BTG4: variants seen among roughly 807,000 people sequenced by gnomAD.
BTG4 encodes protein BTG4.
BTG4 carries 10 observed loss-of-function variants against 19.3 expected under a neutral mutation model. The ratio of observed to expected loss-of-function variants is 0.52; its 90% CI spans 0.32 to 0.88. The LOEUF (loss-of-function observed/expected upper bound fraction) is 0.88. Among genes scored for constraint, BTG4 ranks in the 40% least tolerant of loss-of-function variants. The pLI is 0.04. For synonymous variants in BTG4, 91 were observed against 95.7 expected (o/e 0.95, Z 0.29); for missense variants, 238 against 281.9 (o/e 0.84, Z 1.11).
chr11:111,490,355 T>C (rs994949527), downstream of BTG4, among the ~76,000 whole-genome samples: 1 of 151,846 alleles, frequency 6.6e-6, no homozygotes, highest in Non-Finnish European at 1.5e-5. Flanking sequence ...CTTGAGGTGA[T>C]GAATACCCCA....
At chr11:111,428,079 C>T in the BTG4 span, among the ~76,000 whole-genome samples, 1 of 152,160 alleles carries the variant, frequency 6.6e-6, no homozygotes, top group Non-Finnish European at 1.5e-5. Context: ...GCCGTATTTT[C>T]CTCGCCAAGA....
downstream of BTG4, among the ~76,000 whole-genome samples, chr11:111,494,293 G>A (rs139860981): frequency 6.6e-6 from 1 of 152,280 alleles, no homozygotes; most frequent in African/African-American, 2.4e-5. Context: ...CCAAACAACA[G>A]CAAGGACCTG....
intron 1 of BTG4, among the ~76,000 whole-genome samples, chr11:111,509,522 C>A (rs1278554511): frequency 6.6e-6 from 1 of 151,862 alleles, no homozygotes; most frequent in Non-Finnish European, 1.5e-5. Context: ...TAGTGAAACC[C>A]CATCTCTACT....
chr11:111,495,172 C>A lies in BTG4; in HGVS notation c.653G>T (p.Arg218Leu). 11 of 1,592,560 alleles carry A rather than the reference C, an allele frequency of 6.9e-6. No homozygotes were observed. The highest frequency in any genetic ancestry group is 1.8e-5 in the Admixed American group (1 of 55,092). ...GTTGACCCAGTGGTACCTGTCCAGC[C>A]GGTGCATAGCAGGCCTGTAACACTT... ...HPKCYRPAMHRLDRYHWVNTH... is the reference protein window; with the variant it reads ...HPKCYRPAMHLLDRYHWVNTH... The change falls in exon 5 of 5, where the codon CGG becomes CTG. Residue 218 changes from arginine to leucine, a missense_variant. By Grantham distance (102) the Arg-to-Leu change is moderately radical (BLOSUM62 -2). Coordinates refer to ENST00000692032, the MANE Select transcript of BTG4 (RefSeq NM_001367975.1).
At chr11:111,404,540 ACTTGAC>A in the BTG4 span, 1 of 455,222 alleles carries the variant, frequency 2.2e-6, no homozygotes, top group East Asian at 6.9e-5. Flanking sequence ...TGACATAACA[ACTTGAC>A]CCAAGTGCCC....
chr11:111,442,166 C>T, the BTG4 span, among the ~76,000 whole-genome samples: 7 of 152,016 alleles, frequency 4.6e-5, no homozygotes, highest in Non-Finnish European at 1.0e-4. Flanking sequence ...GGAACCAGAA[C>T]TCCTTGGGGA....
the BTG4 span, chr11:111,451,304 T>C: frequency 4.9e-6 from 2 of 408,412 alleles, no homozygotes; most frequent in Admixed American, 4.9e-5. Context: ...GGGCCCTGGC[T>C]GAGGAGTCCC....
chr11:111,437,036 C>G, the BTG4 span, among the ~76,000 whole-genome samples: 1 of 152,188 alleles, frequency 6.6e-6, no homozygotes, highest in African/African-American at 2.4e-5. Context: ...TTATCCAACC[C>G]AAGTCGCAGA....
chr11:111,445,606 G>A, the BTG4 span, among the ~76,000 whole-genome samples: 1 of 152,202 alleles, frequency 6.6e-6, no homozygotes, highest in South Asian at 2.1e-4. Context: ...AAGGCTCTGA[G>A]GCAGGACATT....
intron 5 of BTG4, among the ~76,000 whole-genome samples, chr11:111,481,686 A>G (rs890515299): frequency 1.3e-5 from 2 of 151,902 alleles, no homozygotes; most frequent in African/African-American, 4.8e-5. Context: ...TAAAAAAATC[A>G]TAGTAATCCA....
At chr11:111,433,382 A>G in the BTG4 span, among the ~76,000 whole-genome samples, 2 of 150,858 alleles carry the variant, frequency 1.3e-5, no homozygotes, top group Non-Finnish European at 2.9e-5. Flanking sequence ...TCCCTTCCTT[A>G]CACCTTACAA....
At chr11:111,410,193 T>A in the BTG4 span, among the ~76,000 whole-genome samples, 22 of 152,026 alleles carry the variant, frequency 1.4e-4, no homozygotes, top group African/African-American at 4.3e-4. Flanking sequence ...CTTTTTTTTT[T>A]TATACAGGGT....
At chr11:111,413,279 C>G in the BTG4 span, among the ~76,000 whole-genome samples, 1 of 152,242 alleles carries the variant, frequency 6.6e-6, no homozygotes, top group Non-Finnish European at 1.5e-5. Flanking sequence ...GGTCCTTGAA[C>G]CAGCTCAGGA....
chr11:111,455,974 C>T, the BTG4 span: 1 of 349,658 alleles, frequency 2.9e-6, no homozygotes. Context: ...CACCCCCAGA[C>T]ACCCAGCAGG....
At chr11:111,410,648 T>C in the BTG4 span, among the ~76,000 whole-genome samples, 1 of 152,300 alleles carries the variant, frequency 6.6e-6, no homozygotes, top group East Asian at 1.9e-4. Flanking sequence ...TCAGACTCAG[T>C]TTATTCAGCT....
At chr11:111,475,503 T>C (rs1864349996) in intron 5 of BTG4, 1 of 152,128 alleles carries the variant, frequency 6.6e-6, no homozygotes, top group Non-Finnish European at 1.5e-5. Flanking sequence ...AATGTGTACT[T>C]AAAATATAGG....
At chr11:111,494,320 A>G (rs1222724989), downstream of BTG4, among the ~76,000 whole-genome samples, 1 of 152,214 alleles carries the variant, frequency 6.6e-6, no homozygotes, top group Non-Finnish European at 1.5e-5. Context: ...AACAAACAGC[A>G]TGAGTAGGAA....
At chr11:111,502,259 A>C (rs1215471573) in intron 1 of BTG4, among the ~76,000 whole-genome samples, 1 of 152,102 alleles carries the variant, frequency 6.6e-6, no homozygotes, top group Non-Finnish European at 1.5e-5. Flanking sequence ...GGTGTGAACC[A>C]CCACGCCCGG....
the BTG4 span, among the ~76,000 whole-genome samples, chr11:111,420,045 A>T: frequency 6.6e-6 from 1 of 152,192 alleles, no homozygotes; most frequent in East Asian, 1.9e-4. Context: ...CTTGAGGTAA[A>T]GGAATCTACA....
Sources: gnomAD v4.1 joint callset for allele counts (sites outside exome capture counted in the v4.1 genomes callset) on GRCh38, gnomAD v4.1.1 for gene constraint, MANE v1.5 for transcripts, NCBI Gene and HGNC (gene_info 2026-07-23, HGNC 2026-07-21) for gene names.